The following NPAS3 variants were observed in gnomAD, a reference collection of about 807,000 sequenced individuals.
NPAS3 encodes neuronal PAS domain-containing protein 3.
NPAS3 carries 14 observed loss-of-function variants against 73.1 expected under a neutral mutation model. That is an observed-to-expected ratio of 0.19 (90% CI 0.13 to 0.30). The LOEUF is 0.30. Among genes scored for constraint, NPAS3 ranks in the 10% least tolerant of loss-of-function variants. NPAS3 has a pLI of 1.00. For missense variants in NPAS3, 1,096 were observed against 1,250.0 expected (o/e 0.88, Z 1.86); for synonymous variants, 620 against 541.5 (o/e 1.14, Z -2.01).
chr14:33,762,470 T>C (rs2062324972), intron 7 of NPAS3, among the ~76,000 whole-genome samples: 1 of 152,234 alleles, frequency 6.6e-6, no homozygotes, highest in African/African-American at 2.4e-5. Context: ...CAGGGAACTT[T>C]CAGGTTATAG....
intron 3 of NPAS3, among the ~76,000 whole-genome samples, chr14:33,270,546 G>C (rs148345378): frequency 2.9e-4 from 44 of 152,252 alleles, no homozygotes; most frequent in African/African-American, 1.0e-3. Context: ...GGGAGAGATG[G>C]AAGGGACTTC....
intron 1 of NPAS3, among the ~76,000 whole-genome samples, chr14:32,988,916 G>T (rs892729548): frequency 6.6e-6 from 1 of 152,136 alleles, no homozygotes; most frequent in Non-Finnish European, 1.5e-5. Context: ...CACTCAGTGC[G>T]TATTTATTGA....
At chr14:32,966,389 G>A (rs1959165) in intron 1 of NPAS3, among the ~76,000 whole-genome samples, 47,437 of 151,964 alleles carry the variant, frequency 0.31, 8,076 homozygotes, top group African/African-American at 0.43. Context: ...AGCTAGAAAT[G>A]AATCCATGCT....
intron 2 of NPAS3, among the ~76,000 whole-genome samples, chr14:33,086,777 C>A (rs1056190368): frequency 1.1e-4 from 17 of 152,058 alleles, no homozygotes; most frequent in Non-Finnish European, 1.3e-4. Flanking sequence ...ATAACCTCTC[C>A]TATTAGTATG....
intron 9 of NPAS3, among the ~76,000 whole-genome samples, chr14:33,792,482 C>G (rs2063386236): frequency 6.6e-6 from 1 of 151,562 alleles, no homozygotes; most frequent in South Asian, 2.1e-4. Flanking sequence ...ACTTTCAGAG[C>G]CAGGAAGAGT....
intron 3 of NPAS3, among the ~76,000 whole-genome samples, chr14:33,356,882 T>C (rs2045360764): frequency 6.6e-6 from 1 of 152,214 alleles, no homozygotes; most frequent in Admixed American, 6.5e-5. Flanking sequence ...GTCTTCAAGT[T>C]AAGTGTTTTT....
chr14:33,439,789 C>T (rs556946821), intron 4 of NPAS3, among the ~76,000 whole-genome samples: 1 of 152,212 alleles, frequency 6.6e-6, no homozygotes, highest in East Asian at 1.9e-4. Flanking sequence ...AAAATTTCCT[C>T]GGTTTGTTAC....
rs760752589 is a variant in NPAS3, at chr14:33,557,932, G to A, written c.469-2189G>A. ...TGCAGTGAGCTGCGGTCTCGCTACC[G>A]CACTCCAGCCTGGGTGACAGAGCAA... On this transcript the variant is annotated intron_variant, in intron 4 of 11. Coordinates refer to ENST00000356141, the Ensembl canonical transcript of NPAS3. 6.6e-5 allele frequency among the ~76,000 whole-genome samples: 10 copies of A among 152,134 alleles called. 1 individual carries two copies. The highest frequency in any genetic ancestry group is 4.1e-4 in the South Asian group (2 of 4,834).
intron 4 of NPAS3, among the ~76,000 whole-genome samples, chr14:33,389,511 C>T (rs938261710): frequency 7.2e-5 from 11 of 152,134 alleles, no homozygotes; most frequent in African/African-American, 2.2e-4. Context: ...TAGGTTTTAT[C>T]CTTTCCTTCA....
chr14:33,459,146 G>A (rs530164810), intron 4 of NPAS3, among the ~76,000 whole-genome samples: 3 of 152,252 alleles, frequency 2.0e-5, no homozygotes, highest in South Asian at 2.1e-4. Flanking sequence ...CAGTGAGGAC[G>A]ACCAGAGGTC....
chr14:32,952,649 A>G (rs978359607), intron 1 of NPAS3, among the ~76,000 whole-genome samples: 10 of 152,168 alleles, frequency 6.6e-5, no homozygotes, highest in Admixed American at 4.6e-4. Flanking sequence ...AAATGTCATG[A>G]ATTGGGTTAA....
rs543194703 is a variant in NPAS3 at position 33,544,500 on chromosome 14, G to A, written c.469-15621G>A. 7.9e-5 allele frequency among the ~76,000 whole-genome samples: 12 copies of A among 151,842 alleles called. No homozygotes were observed. In the South Asian group the frequency reaches 8.4e-4, roughly 11 times the overall value. On this transcript the variant is annotated intron_variant, in intron 4 of 11. Coordinates refer to ENST00000356141, the Ensembl canonical transcript of NPAS3. ...AGGGTTTGTGGTCTTATCAGAAGAC[G>A]AAGACAGAGAGAGCGCTCTCACTAT...
intron 4 of NPAS3, among the ~76,000 whole-genome samples, chr14:33,522,334 C>T (rs952051210): frequency 2.0e-5 from 3 of 151,970 alleles, no homozygotes; most frequent in African/African-American, 4.8e-5. Flanking sequence ...ACTTCTTCTC[C>T]TTATGGCCTA....
intron 6 of NPAS3, among the ~76,000 whole-genome samples, chr14:33,693,752 G>T (rs941512835): frequency 1.3e-5 from 2 of 152,194 alleles, no homozygotes; most frequent in Admixed American, 6.5e-5. Context: ...TTACTTAGGT[G>T]TTAAAATTAC....
At chr14:33,334,978 G>T (rs1594718454) in intron 3 of NPAS3, among the ~76,000 whole-genome samples, 1 of 151,484 alleles carries the variant, frequency 6.6e-6, no homozygotes, top group Non-Finnish European at 1.5e-5. Context: ...TTCCATCCAG[G>T]TTGCAATGAA....
intron 6 of NPAS3, among the ~76,000 whole-genome samples, chr14:33,706,627 A>G (rs2060663399): frequency 6.6e-6 from 1 of 152,188 alleles, no homozygotes; most frequent in Non-Finnish European, 1.5e-5. Context: ...AATGGCTAAC[A>G]TGTGCCAAGC....
intron 2 of NPAS3, among the ~76,000 whole-genome samples, chr14:33,168,679 C>T (rs537207757): frequency 1.3e-5 from 2 of 152,228 alleles, no homozygotes; most frequent in South Asian, 4.2e-4. Context: ...GCATTTTCCT[C>T]TCCTGATTCC....
At chr14:33,223,234 G>A (rs539204804) in intron 3 of NPAS3, among the ~76,000 whole-genome samples, 134 of 152,180 alleles carry the variant, frequency 8.8e-4, no homozygotes, top group Middle Eastern at 6.8e-3. Context: ...TCGCTTGAAC[G>A]TGGGAGGCAG....
chr14:33,096,597 G>C (rs946261062), intron 2 of NPAS3, among the ~76,000 whole-genome samples: 1 of 152,152 alleles, frequency 6.6e-6, no homozygotes, highest in African/African-American at 2.4e-5. Flanking sequence ...CAATTTCCTT[G>C]TATGGGGAGT....
Sources: allele counts gnomAD v4.1 joint callset (sites outside exome capture counted in the v4.1 genomes callset), GRCh38; gene constraint gnomAD v4.1.1; transcripts MANE v1.5; gene names NCBI Gene and HGNC (gene_info 2026-07-23, HGNC 2026-07-21).